COL4A1: variants seen among roughly 807,000 people sequenced by gnomAD.
The protein encoded by COL4A1 is collagen type IV alpha 1 chain.
In COL4A1, 40 loss-of-function variants were observed where a neutral mutation model predicts 216.6. The observed-to-expected ratio is 0.18, with a 90% CI of 0.14 to 0.24. The LOEUF (loss-of-function observed/expected upper bound fraction) is 0.24, where lower values mean the gene tolerates loss of function less well. Among genes scored for constraint, COL4A1 ranks in the 10% least tolerant of loss-of-function variants. The pLI is 1.00. For missense variants in COL4A1, 1,628 were observed against 2,196.8 expected, an observed-to-expected ratio of 0.74 and a Z score of 5.18; for synonymous variants, 839 against 810.7, an observed-to-expected ratio of 1.03 and a Z score of -0.59.
chr13:110,241,198 G>A (rs566648295), intron 2 of COL4A1, among the ~76,000 whole-genome samples: 9 of 152,236 alleles, frequency 5.9e-5, no homozygotes, highest in Admixed American at 3.9e-4. Context: ...TTATAGATGC[G>A]GATAGAATAA....
At chr13:110,284,614 C>T (rs1244131000) in intron 1 of COL4A1, among the ~76,000 whole-genome samples, 1 of 152,152 alleles carries the variant, frequency 6.6e-6, no homozygotes, top group Middle Eastern at 3.2e-3. Flanking sequence ...TACTAACTTC[C>T]TAACACAGAT....
chr13:110,176,755 C>A (rs1171068403), intron 34 of COL4A1, 31 bp from the exon 35 acceptor site: 4 of 1,612,660 alleles, frequency 2.5e-6, no homozygotes, highest in Non-Finnish European at 3.4e-6. Context: ...TAGCAATGAC[C>A]CGCATTTGCT....
intron 4 of COL4A1, among the ~76,000 whole-genome samples, chr13:110,213,154 C>T (rs565510): frequency 0.54 from 81,972 of 151,840 alleles, 22,369 homozygotes; most frequent in South Asian, 0.69. Flanking sequence ...TCAAAAACTA[C>T]GTAACAGGTA....
intron 39 of COL4A1, 70 bp from the exon 40 acceptor site, chr13:110,174,068 C>T: frequency 1.3e-6 from 2 of 1,542,242 alleles, no homozygotes; most frequent in Non-Finnish European, 1.8e-6. Flanking sequence ...TACAAAATGG[C>T]CCTTTGCTGA....
At chr13:110,197,687 T>C (rs1400253739) in intron 21 of COL4A1, among the ~76,000 whole-genome samples, 1 of 152,166 alleles carries the variant, frequency 6.6e-6, no homozygotes, top group African/African-American at 2.4e-5. Context: ...CCCCCAACAG[T>C]GGCCTCATCC....
chr13:110,201,788 C>T, intron 18 of COL4A1: 1 of 615,434 alleles, frequency 1.6e-6, no homozygotes, highest in Admixed American at 1.9e-5. Context: ...TCGAGACCAG[C>T]CTGGTCAATA....
At position 110,286,342 on chromosome 13, in the gene COL4A1, T is replaced by G. The variant is rs770672474; in HGVS notation, c.84+20602A>C. ...AACACTCGAAGCTCCTGAGGGTGGC[T>G]GCAGGCAGAGTAGGAGGGCTGAGCA... On this transcript the variant is annotated intron_variant, in intron 1 of 51. Coordinates refer to ENST00000375820, the MANE Select transcript of COL4A1 (RefSeq NM_001845.6). Among the ~76,000 whole-genome samples the G allele has an allele frequency of 1.8e-4, 28 of 152,152 alleles. 1 individual carries two copies. Among genetic ancestry groups the G allele is most frequent in the Admixed American group, 3.3e-4 (5 of 15,280 alleles).
At chr13:110,253,707 T>C in intron 1 of COL4A1, among the ~76,000 whole-genome samples, 1 of 143,808 alleles carries the variant, frequency 7.0e-6, no homozygotes, top group African/African-American at 2.6e-5. Flanking sequence ...TATACGTATG[T>C]ATTACATATA....
At position 110,183,075 on chromosome 13, in the gene COL4A1, G is replaced by A. The variant is rs141820980; in HGVS notation, c.2013C>T (p.Thr671=). 11 of 1,613,068 alleles carry A rather than the reference G, an allele frequency of 6.8e-6. No homozygotes were observed. In the African/African-American group the frequency reaches 1.2e-4, roughly 18 times the overall value. Reference sequence around the variant, plus strand: ...CTCCTGGCAGGCCTGGCCTTCCTGGGGTTCCGGGAAAGCCTCGGTCTCCTG... The same window carrying A: ...CTCCTGGCAGGCCTGGCCTTCCTGGAGTTCCGGGAAAGCCTCGGTCTCCTG... ...GPQGDRGFPG[T]PGRPGLPGEK... The change falls in exon 28 of 52, where the codon ACC becomes ACT. Residue 671 remains threonine, a synonymous_variant. Transcript: ENST00000375820.
At chr13:110,188,838 C>G (rs918196880) in intron 24 of COL4A1, among the ~76,000 whole-genome samples, 1 of 152,174 alleles carries the variant, frequency 6.6e-6, no homozygotes, top group East Asian at 1.9e-4. Flanking sequence ...GGCTAAGGAA[C>G]GGGAGAAGCT....
chr13:110,236,185 A>T (rs1341516225), intron 2 of COL4A1, among the ~76,000 whole-genome samples: 4 of 152,222 alleles, frequency 2.6e-5, no homozygotes, highest in Non-Finnish European at 5.9e-5. Context: ...CTCAAGCCTA[A>T]ACTCCTTATC....
At position 110,307,078 on chromosome 13, in the gene COL4A1, C is replaced by T; in HGVS notation, c.-51G>A. 1.5e-6 allele frequency: 2 copies of T among 1,361,852 alleles called. No homozygotes were observed. Among genetic ancestry groups the T allele is most frequent in the Non-Finnish European group, 1.9e-6 (2 of 1,044,666 alleles). 84.4% of individuals were successfully genotyped at this position (1,361,852 alleles called of 1,614,324 possible). ...ACGGCTGCCCGGCGTGCGGGGGCCGCGGCGGACAGCTAGCTCTCGGAAGGC... is the reference window on the plus strand; with the variant it reads ...ACGGCTGCCCGGCGTGCGGGGGCCGTGGCGGACAGCTAGCTCTCGGAAGGC... On this transcript the variant is annotated 5_prime_UTR_variant, in exon 1 of 52. Coordinates refer to ENST00000375820, the MANE Select transcript of COL4A1 (RefSeq NM_001845.6). This position sits in a 1 kb window ranked among gnomAD's most constrained non-coding sequence, Gnocchi z 5.0.
At chr13:110,247,036 C>T (rs1015322764) in intron 1 of COL4A1, among the ~76,000 whole-genome samples, 2 of 152,092 alleles carry the variant, frequency 1.3e-5, no homozygotes, top group African/African-American at 4.8e-5. Context: ...CACAGGTACC[C>T]CAGACCAATG....
In COL4A1 at chr13:110,211,941, A is replaced by T; in HGVS notation, c.388-19T>A. Reference sequence around the variant, plus strand: ...TCTCCCCCTGGGGAGACAGCAGAGCATCATTCATACGCACTGTGTGTGGCA... The same window carrying T: ...TCTCCCCCTGGGGAGACAGCAGAGCTTCATTCATACGCACTGTGTGTGGCA... On this transcript the variant is annotated intron_variant, in intron 6 of 51. Transcript: ENST00000375820. The surrounding 1 kb of genome is among the most constrained non-coding windows in gnomAD (Gnocchi z 4.3). The T allele has an allele frequency of 6.2e-7, 1 of 1,613,742 alleles. No individual in the cohort carries two copies. The highest frequency in any genetic ancestry group is 8.5e-7 in the Non-Finnish European group (1 of 1,179,616).
intron 33 of COL4A1, 52 bp from the exon 34 acceptor site, chr13:110,177,089 G>C: frequency 6.2e-7 from 1 of 1,607,114 alleles, no homozygotes; most frequent in Non-Finnish European, 8.5e-7. Flanking sequence ...TCACAGAGGT[G>C]CTCAAAAGGC....
intron 1 of COL4A1, among the ~76,000 whole-genome samples, chr13:110,289,508 C>T (rs1413785929): frequency 2.0e-5 from 3 of 152,158 alleles, no homozygotes; most frequent in Non-Finnish European, 4.4e-5. Context: ...TCAGGAAGCT[C>T]TTTGCAGGCC....
At chr13:110,280,125 G>T (rs1883573588) in intron 1 of COL4A1, among the ~76,000 whole-genome samples, 1 of 152,130 alleles carries the variant, frequency 6.6e-6, no homozygotes, top group African/African-American at 2.4e-5. Context: ...AAATGATGAA[G>T]TTTGCCACGT....
chr13:110,225,146 C>A (rs960250870), intron 2 of COL4A1, among the ~76,000 whole-genome samples: 1 of 152,138 alleles, frequency 6.6e-6, no homozygotes, highest in African/African-American at 2.4e-5. Context: ...GTAGTCCCTG[C>A]GGTTCCCTTG....
rs1883141763 is a variant in COL4A1, at chr13:110,268,947, T to G, written c.85-26213A>C. Among the ~76,000 whole-genome samples, 1 of 152,118 alleles carries G rather than the reference T, an allele frequency of 6.6e-6. No homozygotes were observed. The highest frequency in any genetic ancestry group is 2.1e-4 in the South Asian group (1 of 4,828). On this transcript the variant is annotated intron_variant, in intron 1 of 51. Coordinates refer to ENST00000375820, the MANE Select transcript of COL4A1 (RefSeq NM_001845.6). This position sits in a 1 kb window ranked among gnomAD's most constrained non-coding sequence, Gnocchi z 4.1. ...CAGAGCCCAGCAGAGGAGGCCAACG[T>G]GCAAAAGCCGAACCTCCGCGCACCT...
Sources: gnomAD v4.1 joint callset for allele counts (sites outside exome capture counted in the v4.1 genomes callset) on GRCh38, gnomAD v4.1.1 for gene constraint, Gnocchi (gnomAD v3.1) non-coding constraint, MANE v1.5 for transcripts, NCBI Gene and HGNC (gene_info 2026-07-23, HGNC 2026-07-21) for gene names.